ANO1: variants seen among roughly 807,000 people sequenced by gnomAD.
The protein encoded by ANO1 is anoctamin 1.
A neutral mutation model predicts 124.0 loss-of-function variants in ANO1; 59 were observed. That is an observed-to-expected ratio of 0.48 (90% CI 0.39 to 0.59). The LOEUF (loss-of-function observed/expected upper bound fraction) is 0.59. Ranked by LOEUF, ANO1 falls within the 20% of genes least tolerant of loss-of-function variation. The pLI is 0.00. For missense variants in ANO1, 1,059 were observed against 1,328.0 expected, an observed-to-expected ratio of 0.80 and a Z score of 3.15; for synonymous variants, 529 against 532.0, an observed-to-expected ratio of 0.99 and a Z score of 0.08.
the ANO1 span, among the ~76,000 whole-genome samples, chr11:69,971,739 C>T: frequency 6.6e-6 from 1 of 152,120 alleles, no homozygotes; most frequent in Non-Finnish European, 1.5e-5. Flanking sequence ...CCGGGGAGGC[C>T]TGTGGCTAAT....
the ANO1 span, among the ~76,000 whole-genome samples, chr11:69,966,610 C>T: frequency 6.6e-6 from 1 of 151,886 alleles, no homozygotes; most frequent in East Asian, 1.9e-4. Context: ...GAAGAGCTGG[C>T]GATGGAGGAG....
chr11:70,161,091 A>G, intron 16 of ANO1, 70 bp from the exon 17 acceptor site: 1 of 1,387,786 alleles, frequency 7.2e-7, no homozygotes, highest in Middle Eastern at 2.3e-4. Context: ...GGACTGAGGG[A>G]GCAGATGGGG....
At chr11:69,971,788 C>T in the ANO1 span, among the ~76,000 whole-genome samples, 1 of 152,102 alleles carries the variant, frequency 6.6e-6, no homozygotes. Flanking sequence ...GTGTCCTCCC[C>T]GTGTGTTTAT....
At chr11:70,159,631 T>A (rs905572863) in intron 16 of ANO1, among the ~76,000 whole-genome samples, 11 of 152,206 alleles carry the variant, frequency 7.2e-5, no homozygotes, top group African/African-American at 2.7e-4. Context: ...CCAGGGAGAC[T>A]GGAAGGGAGC....
intron 1 of ANO1, among the ~76,000 whole-genome samples, chr11:70,007,157 A>AC (rs1430035604): frequency 6.6e-6 from 1 of 151,600 alleles, no homozygotes; most frequent in Non-Finnish European, 1.5e-5. Context: ...TGTTTTAGAT[A>AC]CCCCATATGA....
In ANO1 at chr11:70,107,490, C is replaced by CGGGGGGGGGGGGG. The variant is rs1432604573; in HGVS notation, c.748-861_748-860insGGGGGGGGGGGGG. Among the ~76,000 whole-genome samples, 89 of 63,854 alleles carry CGGGGGGGGGGGGG rather than the reference C, an allele frequency of 1.4e-3. 1 individual carries two copies. Among genetic ancestry groups the CGGGGGGGGGGGGG allele is most frequent in the Admixed American group, 3.9e-3 (30 of 7,736 alleles). The allele number at this position is 63,854 out of a possible 152,430, so 41.9% of individuals were successfully genotyped here. On this transcript the variant is annotated intron_variant, in intron 5 of 25. Coordinates refer to ENST00000355303, the MANE Select transcript of ANO1 (RefSeq NM_018043.7). ...TTGGGACAGGTGGGTCCAGTGGAGG[C>CGGGGGGGGGGGGG]GGCGGGGCGGGGAAGCGGTCAGATG...
chr11:70,032,282 G>T (rs1026596542), intron 1 of ANO1, among the ~76,000 whole-genome samples: 3 of 152,180 alleles, frequency 2.0e-5, no homozygotes, highest in Non-Finnish European at 4.4e-5. Context: ...CGGACTGCAG[G>T]CCCAGGGCTG....
At chr11:70,136,105 G>C (rs1160411357) in intron 11 of ANO1, among the ~76,000 whole-genome samples, 1 of 152,230 alleles carries the variant, frequency 6.6e-6, no homozygotes, top group African/African-American at 2.4e-5. Context: ...CTGGTTGTTT[G>C]GGGAGAAACC....
At chr11:70,186,424 C>T (rs184031860) in intron 25 of ANO1, among the ~76,000 whole-genome samples, 59 of 148,066 alleles carry the variant, frequency 4.0e-4, no homozygotes, top group African/African-American at 1.5e-3. Flanking sequence ...GGGGACCCCA[C>T]CTCTGTCCCT....
chr11:70,161,841 C>A, intron 18 of ANO1, 108 bp downstream of exon 18: 1 of 1,045,960 alleles, frequency 9.6e-7, no homozygotes. Flanking sequence ...GGGCAGACAC[C>A]GTGGCACCCG....
chr11:70,023,378 C>CT (rs1379030704), intron 1 of ANO1, among the ~76,000 whole-genome samples: 1 of 152,148 alleles, frequency 6.6e-6, no homozygotes, highest in Non-Finnish European at 1.5e-5. Context: ...AGATCCCAGG[C>CT]TAAACCATGT....
At chr11:70,101,385 G>A (rs763919466) in intron 2 of ANO1, among the ~76,000 whole-genome samples, 9 of 151,772 alleles carry the variant, frequency 5.9e-5, no homozygotes, top group East Asian at 1.9e-4. Context: ...GTGAAACCCC[G>A]TCTCTACTAA....
chr11:70,026,525 G>A (rs536654363), intron 1 of ANO1, among the ~76,000 whole-genome samples: 3 of 151,814 alleles, frequency 2.0e-5, no homozygotes, highest in East Asian at 3.9e-4. Context: ...GATGGTGGTG[G>A]TGATGACAAT....
intron 1 of ANO1, among the ~76,000 whole-genome samples, chr11:70,023,209 G>A (rs1856836815): frequency 6.6e-6 from 1 of 152,204 alleles, no homozygotes; most frequent in Non-Finnish European, 1.5e-5. Context: ...CTCGTGCGCT[G>A]GGAGATGAGG....
At chr11:69,985,821 C>G (rs1006630133), upstream of ANO1, 1 of 152,166 alleles carries the variant, frequency 6.6e-6, no homozygotes, top group Non-Finnish European at 1.5e-5. Context: ...GGGGCGAGGG[C>G]GGTGTCCGCA....
At chr11:70,161,129 C>A in intron 16 of ANO1, 32 bp from the exon 17 acceptor site, 1 of 1,594,838 alleles carries the variant, frequency 6.3e-7, no homozygotes, top group Non-Finnish European at 8.5e-7. Flanking sequence ...TGGGTGGGCC[C>A]CCAACCAAGA....
At chr11:70,014,717 C>T (rs1856668858) in intron 1 of ANO1, 1 of 152,220 alleles carries the variant, frequency 6.6e-6, no homozygotes, top group East Asian at 1.9e-4. Flanking sequence ...AGAAATGATA[C>T]CTCGCCGTTT....
chr11:70,051,034 A>G (rs1372278187), intron 1 of ANO1, among the ~76,000 whole-genome samples: 1 of 152,216 alleles, frequency 6.6e-6, no homozygotes, highest in Non-Finnish European at 1.5e-5. Context: ...TTTTTATTGC[A>G]GTAGACATTC....
At chr11:70,082,764 C>T (rs1302669126) in intron 1 of ANO1, among the ~76,000 whole-genome samples, 1 of 152,180 alleles carries the variant, frequency 6.6e-6, no homozygotes, top group East Asian at 1.9e-4. Flanking sequence ...ACAAGAAAGG[C>T]ACCCACTCCA....
Sources: allele counts gnomAD v4.1 joint callset (sites outside exome capture counted in the v4.1 genomes callset), GRCh38; gene constraint gnomAD v4.1.1; transcripts MANE v1.5; gene names NCBI Gene and HGNC (gene_info 2026-07-23, HGNC 2026-07-21).